The following CERS6 variants were observed in gnomAD, a reference collection of about 807,000 sequenced individuals.
CERS6 encodes ceramide synthase 6.
CERS6 carries 26 observed loss-of-function variants against 56.8 expected under a neutral mutation model. The observed-to-expected ratio is 0.46, with a 90% CI of 0.34 to 0.63. The LOEUF (loss-of-function observed/expected upper bound fraction) is 0.63, where lower values mean the gene tolerates loss of function less well. CERS6 is among the 30% of genes least tolerant of loss of function. The pLI, the probability that CERS6 is intolerant of heterozygous loss-of-function variation, is 0.01. For missense variants in CERS6, 415 were observed against 467.5 expected, an observed-to-expected ratio of 0.89 and a Z score of 1.04; for synonymous variants, 164 against 173.3, an observed-to-expected ratio of 0.95 and a Z score of 0.42.
Position 168,488,690 on chromosome 2 carries a change from A to T in CERS6, c.170+32072A>T, listed in dbSNP as rs556028680. Among the ~76,000 whole-genome samples the T allele has an allele frequency of 3.9e-5, 6 of 152,162 alleles. No homozygotes were observed. The South Asian group carries it at 1.2e-3, about 32-fold the overall frequency. On this transcript the variant is annotated intron_variant, in intron 1 of 9. Coordinates refer to ENST00000305747, the MANE Select transcript of CERS6 (RefSeq NM_203463.3). ...TTAGCATTCCCTCTTAATATTCCAT[A>T]TTAGCTATTTTGCTATCTTTAAAAA... is the stretch of plus-strand genomic sequence containing the variant.
At position 168,758,093 on chromosome 2, in the gene CERS6, A is replaced by G. The variant is rs143531011; in HGVS notation, c.846-7499A>G. Among the ~76,000 whole-genome samples, 16 of 152,334 alleles carry G rather than the reference A, an allele frequency of 1.1e-4. 1 individual carries two copies. Among genetic ancestry groups the G allele is most frequent in the South Asian group, 4.1e-4 (2 of 4,830 alleles). On this transcript the variant is annotated intron_variant, in intron 8 of 9. Transcript: ENST00000305747. ...CGGAGTGAATTTTAAATGCATTTCT[A>G]TCAGCATCTACTTTAAAATGGACAA...
At chr2:168,570,872 G>A (rs1695972981) in intron 3 of CERS6, among the ~76,000 whole-genome samples, 1 of 152,170 alleles carries the variant, frequency 6.6e-6, no homozygotes, top group Non-Finnish European at 1.5e-5. Flanking sequence ...ATCTCTCAGT[G>A]CTTGGTTCCC....
At position 168,677,559 on chromosome 2, in the gene CERS6, G is replaced by A. The variant is rs145427972; in HGVS notation, c.466-13475G>A. On this transcript the variant is annotated intron_variant, in intron 4 of 9. Coordinates refer to ENST00000305747, the MANE Select transcript of CERS6 (RefSeq NM_203463.3). Reference sequence around the variant, plus strand: ...GTTGCCCAGGCTGGAGTGCAATGGCGCGATCTTGGCTCACCACAACCTCCA... The same window carrying A: ...GTTGCCCAGGCTGGAGTGCAATGGCACGATCTTGGCTCACCACAACCTCCA... Among the ~76,000 whole-genome samples the A allele has an allele frequency of 2.0e-3, 301 of 152,092 alleles. 6 individuals are homozygous for A. The East Asian group carries it at 0.037, about 19-fold the overall frequency.
At chr2:168,615,905 A>G (rs1393325574) in intron 3 of CERS6, among the ~76,000 whole-genome samples, 1 of 152,238 alleles carries the variant, frequency 6.6e-6, no homozygotes, top group Non-Finnish European at 1.5e-5. Flanking sequence ...ATCATCGCCT[A>G]GGCACACTGT....
At chr2:168,654,761 T>C (rs1386878360) in intron 4 of CERS6, among the ~76,000 whole-genome samples, 1 of 152,196 alleles carries the variant, frequency 6.6e-6, no homozygotes, top group Non-Finnish European at 1.5e-5. Context: ...TACTTGAAGA[T>C]AAATGATGAT....
intron 2 of CERS6, 37 bp from the exon 3 acceptor site, chr2:168,561,155 G>A: frequency 6.2e-7 from 1 of 1,610,048 alleles, no homozygotes; most frequent in Non-Finnish European, 8.5e-7. Context: ...AAATGAAAAT[G>A]GATTGAAAAT....
Position 168,554,321 on chromosome 2 carries a change from T to C in CERS6, c.276+6620T>C, listed in dbSNP as rs1354083121. ...TTGGTTATTGGTATGGGTCGAATTA[T>C]TTTCTTCCCCAAAATGTATACATTG... On this transcript the variant is annotated intron_variant, in intron 2 of 9. Transcript: ENST00000305747. Among the ~76,000 whole-genome samples the C allele has an allele frequency of 5.9e-5, 9 of 152,310 alleles. No homozygotes were observed. The East Asian group carries it at 1.5e-3, about 26-fold the overall frequency.
At chr2:168,609,212 C>T (rs113591653) in intron 3 of CERS6, among the ~76,000 whole-genome samples, 4 of 152,230 alleles carry the variant, frequency 2.6e-5, no homozygotes, top group Non-Finnish European at 5.9e-5. Flanking sequence ...CCACTGCAGT[C>T]TTAAACTCTT....
intron 6 of CERS6, 50 bp downstream of exon 6, chr2:168,695,101 C>A (rs766034060): frequency 1.2e-5 from 17 of 1,452,386 alleles, no homozygotes; most frequent in Admixed American, 1.7e-5. Context: ...TCTTTAATGG[C>A]CCTTAGCAGG....
At chr2:168,664,734 G>C (rs1355874211) in intron 4 of CERS6, among the ~76,000 whole-genome samples, 3 of 152,132 alleles carry the variant, frequency 2.0e-5, no homozygotes, top group African/African-American at 7.2e-5. Context: ...TTTTGGCTTT[G>C]GTGGGTTTTG....
intron 1 of CERS6, among the ~76,000 whole-genome samples, chr2:168,487,408 G>T (rs1453489154): frequency 6.6e-6 from 1 of 152,152 alleles, no homozygotes; most frequent in Non-Finnish European, 1.5e-5. Context: ...TGCCTCCAAG[G>T]CTGCAATTTC....
chr2:168,724,134 C>T (rs540879649), intron 8 of CERS6, among the ~76,000 whole-genome samples: 8 of 152,090 alleles, frequency 5.3e-5, no homozygotes, highest in African/African-American at 1.4e-4. Flanking sequence ...TGGATGTGTT[C>T]GGAGTTTCTT....
chr2:168,547,753 C>A, intron 2 of CERS6, 52 bp downstream of exon 2: 2 of 1,234,436 alleles, frequency 1.6e-6, no homozygotes, highest in Non-Finnish European at 2.4e-6. Flanking sequence ...CCATTCTCAG[C>A]CTGCTGTCAT....
chr2:168,711,100 T>G (rs1317571035), intron 6 of CERS6, among the ~76,000 whole-genome samples: 2 of 152,208 alleles, frequency 1.3e-5, no homozygotes, highest in Non-Finnish European at 1.5e-5. Flanking sequence ...AATATACTGT[T>G]TATCCTAGCA....
intron 3 of CERS6, among the ~76,000 whole-genome samples, chr2:168,596,553 C>G (rs944774179): frequency 4.4e-5 from 6 of 136,724 alleles, no homozygotes; most frequent in African/African-American, 1.2e-4. Context: ...CCATCCCCCC[C>G]CCTTTTTTTT....
intron 4 of CERS6, among the ~76,000 whole-genome samples, chr2:168,680,931 G>T (rs1348998114): frequency 6.6e-6 from 1 of 152,204 alleles, no homozygotes; most frequent in Non-Finnish European, 1.5e-5. Context: ...TTAACCACTT[G>T]TGTTTATTCC....
At chr2:168,667,556 G>T (rs1685794334) in intron 4 of CERS6, among the ~76,000 whole-genome samples, 1 of 152,142 alleles carries the variant, frequency 6.6e-6, no homozygotes, top group African/African-American at 2.4e-5. Context: ...CTCTGCTTCT[G>T]TTGGCTATTA....
rs777236278 is a variant in CERS6, at chr2:168,771,047, T to C, written c.*1385T>C. ...AGATTTTATCTCTTCTTCTAACTTTTAGTAAGAGGAAAAAGGGATTATAAA... is the reference window on the plus strand; with the variant it reads ...AGATTTTATCTCTTCTTCTAACTTTCAGTAAGAGGAAAAAGGGATTATAAA... On this transcript the variant is annotated 3_prime_UTR_variant, in exon 10 of 10. Transcript: ENST00000305747. The C allele has an allele frequency of 4.6e-5, 7 of 152,150 alleles. No individual in the cohort carries two copies. Among genetic ancestry groups the C allele is most frequent in the Non-Finnish European group, 1.0e-4 (7 of 68,036 alleles). The allele number at this position is 152,150 out of a possible 1,614,324, so 9.4% of individuals were successfully genotyped here.
intron 3 of CERS6, among the ~76,000 whole-genome samples, chr2:168,571,296 G>T (rs1226221063): frequency 5.3e-5 from 8 of 151,866 alleles, no homozygotes; most frequent in Non-Finnish European, 8.8e-5. Flanking sequence ...TCGCCTTGCG[G>T]TTATTAGCTC....
Sources: gnomAD v4.1 joint callset for allele counts (sites outside exome capture counted in the v4.1 genomes callset) on GRCh38, gnomAD v4.1.1 for gene constraint, MANE v1.5 for transcripts, NCBI Gene and HGNC (gene_info 2026-07-23, HGNC 2026-07-21) for gene names.